EDIL3: variants seen among roughly 807,000 people sequenced by gnomAD.
EDIL3 encodes the protein EGF like and discoidin domains 3.
EDIL3 carries 37 observed loss-of-function variants against 67.4 expected under a neutral mutation model. The ratio of observed to expected loss-of-function variants is 0.55; its 90% CI spans 0.42 to 0.72. The LOEUF (loss-of-function observed/expected upper bound fraction) is 0.72. Ranked by LOEUF, EDIL3 falls within the 30% of genes least tolerant of loss-of-function variation. The pLI, the probability that EDIL3 is intolerant of heterozygous loss-of-function variation, is 0.00. For synonymous variants in EDIL3, 195 were observed against 196.3 expected (o/e 0.99, Z 0.05); for missense variants, 527 against 586.3 (o/e 0.90, Z 1.04).
chr5:84,015,549 C>T (rs1356341440), intron 9 of EDIL3, among the ~76,000 whole-genome samples: 1 of 152,058 alleles, frequency 6.6e-6, no homozygotes, highest in Non-Finnish European at 1.5e-5. Context: ...TACAAAAGTG[C>T]ATATTTCCTC....
intron 9 of EDIL3, among the ~76,000 whole-genome samples, chr5:84,037,303 A>G (rs1746039107): frequency 1.3e-5 from 2 of 152,182 alleles, no homozygotes; most frequent in Non-Finnish European, 2.9e-5. Context: ...CTTTAATGCT[A>G]TTGCTGATCT....
chr5:83,999,388 A>C lies in EDIL3; in HGVS notation c.1138-36028T>G, dbSNP rs201455106. On this transcript the variant is annotated intron_variant, in intron 9 of 10. Coordinates refer to ENST00000296591, the MANE Select transcript of EDIL3 (RefSeq NM_005711.5). ...AAAATAGCTATTTTGGGGAAGCTCA[A>C]TGAAATTCAAGATAACATGAAGAAG... is the stretch of plus-strand genomic sequence containing the variant. Among the ~76,000 whole-genome samples the C allele has an allele frequency of 1.1e-4, 17 of 152,284 alleles. No individual in the cohort carries two copies. In the East Asian group the frequency reaches 3.3e-3, roughly 30 times the overall value.
At chr5:83,983,577 A>G (rs1745007964) in intron 9 of EDIL3, among the ~76,000 whole-genome samples, 1 of 152,042 alleles carries the variant, frequency 6.6e-6, no homozygotes, top group African/African-American at 2.4e-5. Flanking sequence ...TGAATTTGGC[A>G]GCATTGTGCA....
At chr5:84,078,291 T>C (rs1746900387) in intron 6 of EDIL3, among the ~76,000 whole-genome samples, 1 of 152,046 alleles carries the variant, frequency 6.6e-6, no homozygotes, top group Admixed American at 6.5e-5. Context: ...AGTGTACCTG[T>C]GTGTATGTGT....
chr5:84,014,915 T>C (rs1745573707), intron 9 of EDIL3, among the ~76,000 whole-genome samples: 1 of 152,176 alleles, frequency 6.6e-6, no homozygotes, highest in Non-Finnish European at 1.5e-5. Flanking sequence ...TGATACGAAC[T>C]GCATTTTGGC....
intron 1 of EDIL3, among the ~76,000 whole-genome samples, chr5:84,322,780 T>A (rs10473883): frequency 1.3e-5 from 2 of 151,856 alleles, no homozygotes; most frequent in African/African-American, 4.8e-5. Context: ...AATAAAACTT[T>A]GAAAAGAAAA....
At chr5:84,008,154 G>T (rs991499809) in intron 9 of EDIL3, among the ~76,000 whole-genome samples, 1 of 152,104 alleles carries the variant, frequency 6.6e-6, no homozygotes, top group African/African-American at 2.4e-5. Context: ...GGTTGCAGGA[G>T]TAAAGTGAGG....
chr5:84,177,755 C>T (rs1252443069), intron 4 of EDIL3, among the ~76,000 whole-genome samples: 1 of 151,836 alleles, frequency 6.6e-6, no homozygotes, highest in African/African-American at 2.4e-5. Flanking sequence ...ATGATAAAAC[C>T]CCAAAAACAT....
At chr5:84,047,180 T>C (rs1415033783) in intron 9 of EDIL3, among the ~76,000 whole-genome samples, 2 of 152,200 alleles carry the variant, frequency 1.3e-5, no homozygotes, top group African/African-American at 2.4e-5. Context: ...GATTGTACCC[T>C]GTATCTGGGG....
chr5:84,348,562 T>A (rs1167674557), intron 1 of EDIL3, among the ~76,000 whole-genome samples: 4 of 150,348 alleles, frequency 2.7e-5, no homozygotes, highest in African/African-American at 9.8e-5. Flanking sequence ...CCCTGGATTA[T>A]CCTTTTTTTG....
intron 9 of EDIL3, among the ~76,000 whole-genome samples, chr5:83,991,339 T>C (rs1488349319): frequency 6.6e-6 from 1 of 152,124 alleles, no homozygotes; most frequent in Non-Finnish European, 1.5e-5. Context: ...TATAATGAAA[T>C]AGTTAAATCT....
intron 9 of EDIL3, among the ~76,000 whole-genome samples, chr5:84,053,069 C>T (rs1746373032): frequency 6.6e-6 from 1 of 152,186 alleles, no homozygotes; most frequent in Non-Finnish European, 1.5e-5. Flanking sequence ...TAAAGCACTC[C>T]TCAGCAAATG....
rs868489867 is a variant in EDIL3 at position 84,214,672 on chromosome 5, T to C, written c.226+15183A>G. Among the ~76,000 whole-genome samples the C allele has an allele frequency of 3.3e-5, 5 of 152,194 alleles. No individual in the cohort carries two copies. The Middle Eastern group carries it at 0.01, about 311-fold the overall frequency. On this transcript the variant is annotated intron_variant, in intron 3 of 10. Transcript: ENST00000296591. ...TTTCTTCTATTTGGAAATACATCTA[T>C]CATCACCCCTCTCTTTGTATCATCC...
chr5:84,328,159 C>A (rs1456487591), intron 1 of EDIL3, among the ~76,000 whole-genome samples: 1 of 151,966 alleles, frequency 6.6e-6, no homozygotes, highest in Non-Finnish European at 1.5e-5. Context: ...TTTTCTGAAA[C>A]ATAAATAAAC....
chr5:84,294,535 T>C (rs1746002267), intron 1 of EDIL3, among the ~76,000 whole-genome samples: 2 of 151,996 alleles, frequency 1.3e-5, no homozygotes, highest in Admixed American at 6.6e-5. Flanking sequence ...TTGGCAGATG[T>C]AGTCATATAT....
chr5:83,981,094 C>G (rs1204533820), intron 9 of EDIL3, among the ~76,000 whole-genome samples: 2 of 152,002 alleles, frequency 1.3e-5, no homozygotes, highest in Non-Finnish European at 2.9e-5. Context: ...CAACATATCC[C>G]TAACAAAATC....
At chr5:84,225,388 T>C (rs900011807) in intron 3 of EDIL3, among the ~76,000 whole-genome samples, 1 of 151,680 alleles carries the variant, frequency 6.6e-6, no homozygotes, top group African/African-American at 2.4e-5. Context: ...CAGAATGTGA[T>C]TGTCTAAAGT....
intron 2 of EDIL3, among the ~76,000 whole-genome samples, chr5:84,240,129 T>A (rs577027940): frequency 6.6e-6 from 1 of 152,286 alleles, no homozygotes; most frequent in African/African-American, 2.4e-5. Context: ...CAACTACCTA[T>A]TAGACCAAGT....
At chr5:84,227,895 G>C (rs1389971972) in intron 3 of EDIL3, among the ~76,000 whole-genome samples, 4 of 151,978 alleles carry the variant, frequency 2.6e-5, no homozygotes, top group Non-Finnish European at 5.9e-5. Flanking sequence ...GTAAACCTGG[G>C]AACAATAAAC....
Sources: allele counts gnomAD v4.1 joint callset (sites outside exome capture counted in the v4.1 genomes callset), GRCh38; gene constraint gnomAD v4.1.1; transcripts MANE v1.5; gene names NCBI Gene and HGNC (gene_info 2026-07-23, HGNC 2026-07-21).